Variants in SYNE1 observed in about 807,000 individuals in gnomAD.
SYNE1 encodes nesprin-1.
Under a neutral mutation model 1,111.0 loss-of-function variants are expected in SYNE1, and 616 were observed. That is an observed-to-expected ratio of 0.55 (90% CI 0.52 to 0.59). SYNE1 has a LOEUF of 0.59. Ranked by LOEUF, SYNE1 falls within the 20% of genes least tolerant of loss-of-function variation. The pLI is 0.00. For missense variants in SYNE1, 10,006 were observed against 10,417.0 expected (o/e 0.96, Z 1.72); for synonymous variants, 3,855 against 3,825.8 (o/e 1.01, Z -0.28).
At chr6:152,145,672 C>T (rs2059354705) in intron 137 of SYNE1, 3 of 874,474 alleles carry the variant, frequency 3.4e-6, no homozygotes, top group Non-Finnish European at 1.9e-6. Context: ...AGACACATAG[C>T]TCCTGAGCGC....
In SYNE1 at chr6:152,612,416, G is replaced by A. The variant is rs1367289211; in HGVS notation, c.67+15849C>T. Among the ~76,000 whole-genome samples the A allele has an allele frequency of 2.6e-5, 4 of 152,142 alleles. No individual in the cohort carries two copies. The East Asian group carries it at 7.7e-4, about 29-fold the overall frequency. On this transcript the variant is annotated intron_variant, in intron 3 of 145. Coordinates refer to ENST00000367255, the MANE Select transcript of SYNE1 (RefSeq NM_182961.4). ...ATCTAGAAGAAATGGATAAATTCCT[G>A]GACACATACATCCTCCCAAGACTAA...
chr6:152,368,416 T>C (rs949954953), intron 61 of SYNE1: 1 of 154,796 alleles, frequency 6.5e-6, no homozygotes, highest in Non-Finnish European at 1.4e-5. Flanking sequence ...GTCTGAACCA[T>C]TGCCAATTTT....
intron 4 of SYNE1, among the ~76,000 whole-genome samples, chr6:152,534,154 T>C (rs1212690634): frequency 6.7e-6 from 1 of 149,674 alleles, no homozygotes; most frequent in Non-Finnish European, 1.5e-5. Context: ...CAAGACTCTG[T>C]CTCAAAAAAA....
At position 152,381,087 on chromosome 6, in the gene SYNE1, C is replaced by G. The variant is rs948939778; in HGVS notation, c.8928G>C (p.Leu2976=). 12 of 1,614,216 alleles carry G rather than the reference C, an allele frequency of 7.4e-6. No homozygotes were observed. The highest frequency in any genetic ancestry group is 1.0e-5 in the Non-Finnish European group (12 of 1,180,036). The change falls in exon 56 of 146, where the codon CTG becomes CTC. Residue 2976 remains leucine, a synonymous_variant. Coordinates refer to ENST00000367255, the MANE Select transcript of SYNE1 (RefSeq NM_182961.4). The part of the protein sequence containing the change: ...EQALEQFSAL[L]KTWAQQLTLL... Reference sequence around the variant, plus strand: ...GGGTTAACTGCTGAGCCCAGGTTTTCAGAAGGGCACTGAACTGTTCCAGGG... The same window carrying G: ...GGGTTAACTGCTGAGCCCAGGTTTTGAGAAGGGCACTGAACTGTTCCAGGG...
chr6:152,407,354 G>A (rs1034328379), intron 44 of SYNE1, among the ~76,000 whole-genome samples, 158 bp from the exon 45 acceptor site: 5 of 152,146 alleles, frequency 3.3e-5, no homozygotes, highest in East Asian at 1.9e-4. Flanking sequence ...CCCAACTCAC[G>A]TAAATGCTAA....
intron 70 of SYNE1, among the ~76,000 whole-genome samples, chr6:152,351,340 G>C (rs535506045): frequency 6.6e-6 from 1 of 152,302 alleles, no homozygotes; most frequent in Admixed American, 6.5e-5. Flanking sequence ...GGAAGAGGCC[G>C]TCACAGAAGC....
chr6:152,288,441 A>T (rs2094439434), intron 95 of SYNE1, among the ~76,000 whole-genome samples: 1 of 152,238 alleles, frequency 6.6e-6, no homozygotes, highest in Non-Finnish European at 1.5e-5. Context: ...GTGTGCACTG[A>T]AGGTATCAGC....
At chr6:152,558,482 G>C (rs1460504108) in intron 3 of SYNE1, among the ~76,000 whole-genome samples, 3 of 152,178 alleles carry the variant, frequency 2.0e-5, no homozygotes, top group Non-Finnish European at 4.4e-5. Flanking sequence ...TAGTCTGAAA[G>C]TAAAGTTATG....
chr6:152,270,722 G>A lies in SYNE1; in HGVS notation c.18574-1436C>T, dbSNP rs558735492. Among the ~76,000 whole-genome samples, 5 of 152,310 alleles carry A rather than the reference G, an allele frequency of 3.3e-5. No individual in the cohort carries two copies. The East Asian group carries it at 7.7e-4, about 24-fold the overall frequency. ...GGAAGCCAGATGAGGGCCCTGGTGG[G>A]GAGTTAGACTATAAACAAACAGATA... is the stretch of plus-strand genomic sequence containing the variant. On this transcript the variant is annotated intron_variant, in intron 98 of 145. Transcript: ENST00000367255.
At chr6:152,282,155 G>A in intron 96 of SYNE1, 175 bp from the exon 97 acceptor site, 1 of 660,582 alleles carries the variant, frequency 1.5e-6, no homozygotes, top group Non-Finnish European at 2.6e-6. Flanking sequence ...TTCTAGGGGT[G>A]AGTCTCAAAA....
chr6:152,281,939 C>T lies in SYNE1; in HGVS notation c.18249G>A (p.Gln6083=), dbSNP rs748739828. The part of the protein sequence containing the change: ...NDQLEEQRQE[Q]ALQRYRCEAD... ...CTTCACAGCGATACCTCTGCAGGGCCTGTTCCTGCCTTTGTTCCTCCAGCT... is the reference window on the plus strand; with the variant it reads ...CTTCACAGCGATACCTCTGCAGGGCTTGTTCCTGCCTTTGTTCCTCCAGCT... The change falls in exon 97 of 146, where the codon CAG becomes CAA. Residue 6083 remains glutamine (Q), a synonymous_variant. Coordinates refer to ENST00000367255, the MANE Select transcript of SYNE1 (RefSeq NM_182961.4). The T allele has an allele frequency of 2.5e-6, 4 of 1,614,042 alleles. No individual in the cohort carries two copies. Among genetic ancestry groups the T allele is most frequent in the South Asian group, 2.2e-5 (2 of 91,092 alleles).
intron 95 of SYNE1, among the ~76,000 whole-genome samples, chr6:152,288,633 G>A (rs770185099): frequency 2.0e-5 from 3 of 152,056 alleles, no homozygotes; most frequent in Non-Finnish European, 2.9e-5. Context: ...TGCAACCTCC[G>A]CCCCCTGAGT....
chr6:152,397,996 A>G (rs1267268943), intron 49 of SYNE1, among the ~76,000 whole-genome samples: 1 of 148,966 alleles, frequency 6.7e-6, no homozygotes, highest in African/African-American at 2.5e-5. Flanking sequence ...GCAAGACTCC[A>G]TCTCAAAAAA....
chr6:152,419,893 C>T (rs868331016), intron 39 of SYNE1, among the ~76,000 whole-genome samples, 171 bp from the exon 40 acceptor site: 28 of 152,320 alleles, frequency 1.8e-4, no homozygotes, highest in African/African-American at 6.3e-4. Flanking sequence ...TCACAATCTT[C>T]CCTGTCTCAG....
chr6:152,637,232 A>G lies in SYNE1; in HGVS notation c.-435T>C, dbSNP rs551582113. The G allele has an allele frequency of 8.5e-5, 13 of 152,338 alleles. No individual in the cohort carries two copies. In the East Asian group the frequency reaches 2.3e-3, roughly 27 times the overall value. The allele number at this position is 152,338 out of a possible 1,614,324, so 9.4% of individuals were successfully genotyped here. A position where few individuals can be genotyped will look rare whatever the true frequency, so the allele number is the denominator to read the frequency against. On this transcript the variant is annotated 5_prime_UTR_variant, in exon 1 of 146. Transcript: ENST00000367255. ...CTTGGGCGTTTCTCCGCAGCTGCAA[A>G]GCTGTGCTGTGACCCACCCGCTCAG...
chr6:152,135,216 C>T lies in SYNE1; in HGVS notation c.25676G>A (p.Ser8559Asn). The T allele has an allele frequency of 1.9e-6, 3 of 1,614,070 alleles. No homozygotes were observed. Among genetic ancestry groups the T allele is most frequent in the Non-Finnish European group, 2.5e-6 (3 of 1,179,986 alleles). ...CTCCAGCATAAGAAGCAAACCATGG[C>T]TCATTTCATGGAAACCCTACAGAAA... is the stretch of plus-strand genomic sequence containing the variant. ...LMQCQGFHEM[S>N]HGLLLMLENI... Residue 8559 changes from serine to asparagine, a missense_variant, in exon 142 of 146, where the codon AGC (serine) becomes AAC (asparagine). Around this residue, in one of 7 missense-constraint regions of SYNE1, gnomAD observed 761 missense variants for 795.5 expected, o/e 0.96. Transcript: ENST00000367255.
At chr6:152,201,394 C>T (rs2075393751) in intron 127 of SYNE1, among the ~76,000 whole-genome samples, 1 of 151,792 alleles carries the variant, frequency 6.6e-6, no homozygotes, top group Non-Finnish European at 1.5e-5. Context: ...ATTTTTCCCC[C>T]TTTCCTTGCA....
At chr6:152,632,599 G>A (rs2099699700) in intron 2 of SYNE1, among the ~76,000 whole-genome samples, 1 of 152,098 alleles carries the variant, frequency 6.6e-6, no homozygotes, top group Non-Finnish European at 1.5e-5. Context: ...ACTACCTATT[G>A]GAGGAGAGTG....
chr6:152,296,039 A>C (rs2094863665), intron 93 of SYNE1, among the ~76,000 whole-genome samples: 1 of 152,088 alleles, frequency 6.6e-6, no homozygotes, highest in Admixed American at 6.5e-5. Flanking sequence ...TCATAATCCA[A>C]CTTCTGAAAG....
Sources: gnomAD v4.1 joint callset for allele counts (sites outside exome capture counted in the v4.1 genomes callset) on GRCh38, gnomAD v4.1.1 for gene constraint, gnomAD v4.1.1 regional missense constraint, MANE v1.5 for transcripts, NCBI Gene and HGNC (gene_info 2026-07-23, HGNC 2026-07-21) for gene names.